The following MSH4 variants were observed in gnomAD, a reference collection of about 807,000 sequenced individuals.
MSH4 encodes the protein mutS homolog 4.
A neutral mutation model predicts 113.7 loss-of-function variants in MSH4; 106 were observed. The ratio of observed to expected loss-of-function variants is 0.93; its 90% CI spans 0.80 to 1.10. The LOEUF (loss-of-function observed/expected upper bound fraction) is 1.10, where lower values mean the gene tolerates loss of function less well. Ranked by LOEUF, MSH4 falls within the 50% of genes least tolerant of loss-of-function variation. The pLI is 0.00. For missense variants in MSH4, 1,061 were observed against 1,093.7 expected (o/e 0.97, Z 0.42); for synonymous variants, 368 against 380.2 (o/e 0.97, Z 0.37).
rs1256179917 is a variant in MSH4 at position 75,885,947 on chromosome 1, T to C, written c.2107+2126T>C. On this transcript the variant is annotated intron_variant, in intron 15 of 19. Transcript: ENST00000263187. ...ATGATGTATTATATAACATATATAA[T>C]ATATATGATGTATTATATAGCATGT... Among the ~76,000 whole-genome samples the C allele has an allele frequency of 1.3e-4, 16 of 119,414 alleles. 2 individuals are homozygous for C. The highest frequency in any genetic ancestry group is 5.1e-4 in the African/African-American group (16 of 31,160). The allele number at this position is 119,414 out of a possible 152,430, so 78.3% of individuals were successfully genotyped here.
rs772902056 is a variant in MSH4, at chr1:75,810,790, A to G, written c.682A>G (p.Ile228Val). ...VGNSTKLFTL[I>V]TENFKNVNFT... ...GAATTCCACCAAGTTGTTCACTCTG[A>G]TCACAGAAAATTTCAAGGTAAGTGA... The change falls in exon 4 of 20, where the codon ATC (isoleucine) becomes GTC (valine). Residue 228 changes from isoleucine (I) to valine (V), a missense_variant. Physicochemically the swap from Ile to Val is conservative, Grantham distance 29 (BLOSUM62 3). Coordinates refer to ENST00000263187, the MANE Select transcript of MSH4 (RefSeq NM_002440.4). 3 of 1,563,858 alleles carry G rather than the reference A, an allele frequency of 1.9e-6. No homozygotes were observed. The highest frequency in any genetic ancestry group is 3.7e-5 in the Admixed American group (2 of 54,510).
At chr1:75,881,141 G>C (rs1192592269) in intron 13 of MSH4, 105 bp from the exon 14 acceptor site, 4 of 851,912 alleles carry the variant, frequency 4.7e-6, no homozygotes, top group Non-Finnish European at 7.2e-6. Context: ...ACTCAGATGT[G>C]AATATTATTT....
chr1:75,839,423 C>T (rs1650903806), intron 7 of MSH4, among the ~76,000 whole-genome samples: 1 of 152,066 alleles, frequency 6.6e-6, no homozygotes, highest in Non-Finnish European at 1.5e-5. Flanking sequence ...CCATGTTGGC[C>T]AGGCTGGTCT....
At chr1:75,801,604 T>C (rs1030880054) in intron 1 of MSH4, among the ~76,000 whole-genome samples, 1 of 148,190 alleles carries the variant, frequency 6.7e-6, no homozygotes, top group Non-Finnish European at 1.5e-5. Flanking sequence ...TGAGGCATGG[T>C]GGCTTATGCT....
At chr1:75,841,396 C>T (rs1241812478) in intron 7 of MSH4, among the ~76,000 whole-genome samples, 1 of 152,088 alleles carries the variant, frequency 6.6e-6, no homozygotes, top group African/African-American at 2.4e-5. Context: ...CAGGGTCTTG[C>T]TCTGTTGCCC....
chr1:75,807,239 A>G (rs995233029), intron 3 of MSH4, 98 bp downstream of exon 3: 2 of 924,124 alleles, frequency 2.2e-6, no homozygotes, highest in Non-Finnish European at 3.1e-6. Flanking sequence ...TGGTAGAATA[A>G]AGGTTATTCA....
chr1:75,866,423 CA>C (rs1402792844), intron 8 of MSH4, among the ~76,000 whole-genome samples: 1 of 152,144 alleles, frequency 6.6e-6, no homozygotes, highest in Non-Finnish European at 1.5e-5. Flanking sequence ...CTCAGACTCC[CA>C]AAATGCTGGG....
chr1:75,828,934 A>G (rs1018487081), intron 7 of MSH4, among the ~76,000 whole-genome samples: 1 of 152,182 alleles, frequency 6.6e-6, no homozygotes. Flanking sequence ...TGCTGGGTTC[A>G]TCTCACTGGG....
At chr1:75,891,367 T>C (rs945417086) in intron 17 of MSH4, among the ~76,000 whole-genome samples, 3 of 152,152 alleles carry the variant, frequency 2.0e-5, no homozygotes, top group Admixed American at 2.0e-4. Flanking sequence ...ATAAAAATAC[T>C]TTTTCTTATT....
chr1:75,836,696 T>C (rs1299076504), intron 7 of MSH4, among the ~76,000 whole-genome samples: 1 of 152,240 alleles, frequency 6.6e-6, no homozygotes, highest in Non-Finnish European at 1.5e-5. Context: ...TCTGTCATTA[T>C]TGAATTACTG....
rs1159695398 is a variant in MSH4, at chr1:75,840,220, G to A, written c.1163-7989G>A. On this transcript the variant is annotated intron_variant, in intron 7 of 19. Coordinates refer to ENST00000263187, the MANE Select transcript of MSH4 (RefSeq NM_002440.4). ...TGCTGCTATAAAGACACATGCACAC[G>A]TATGTTTATTGCGGCACTATTCACA... Among the ~76,000 whole-genome samples, 16 of 134,172 alleles carry A rather than the reference G, an allele frequency of 1.2e-4. 1 individual carries two copies. Among genetic ancestry groups the A allele is most frequent in the African/African-American group, 3.4e-4 (13 of 38,740 alleles). The allele number at this position is 134,172 out of a possible 152,430, so 88.0% of individuals were successfully genotyped here.
At chr1:75,799,829 T>C (rs1054101120) in intron 1 of MSH4, among the ~76,000 whole-genome samples, 3 of 152,184 alleles carry the variant, frequency 2.0e-5, no homozygotes, top group East Asian at 1.9e-4. Flanking sequence ...CTGGGAATTT[T>C]GTAGGCAAAG....
At chr1:75,828,208 AG>A (rs1469168578) in intron 7 of MSH4, among the ~76,000 whole-genome samples, 3 of 152,206 alleles carry the variant, frequency 2.0e-5, no homozygotes, top group Non-Finnish European at 4.4e-5. Context: ...CATTGTTCTT[AG>A]GATTGTAAAT....
chr1:75,822,536 C>T lies in MSH4; in HGVS notation c.1117C>T (p.Gln373Ter), dbSNP rs1650444592. The T allele has an allele frequency of 6.4e-7, 1 of 1,562,722 alleles. No individual in the cohort carries two copies. Among genetic ancestry groups the T allele is most frequent in the Non-Finnish European group, 8.6e-7 (1 of 1,160,414 alleles). ...ETINMRLDCV[Q>*]ELLQDEELFF... ...CATTAACATGAGATTAGATTGTGTT[C>T]AAGAACTACTTCAAGATGAGGAACT... The change falls in exon 7 of 20, where the codon CAA becomes TAA. Residue 373 changes from glutamine to a stop codon, truncating the protein, a stop_gained. Transcript: ENST00000263187. LOFTEE classifies it high-confidence loss of function.
intron 15 of MSH4, among the ~76,000 whole-genome samples, chr1:75,888,237 A>G (rs947309754): frequency 8.0e-5 from 12 of 150,016 alleles, no homozygotes; most frequent in African/African-American, 2.7e-4. Flanking sequence ...TTTTGCTGCT[A>G]TTATTTCACC....
At chr1:75,845,683 G>T (rs550210441) in intron 7 of MSH4, among the ~76,000 whole-genome samples, 19 of 152,270 alleles carry the variant, frequency 1.2e-4, no homozygotes, top group Admixed American at 9.8e-4. Flanking sequence ...GGAGTTACAT[G>T]CTTGTGCCCC....
chr1:75,807,158 C>T lies in MSH4; in HGVS notation c.588+17C>T. The T allele has an allele frequency of 6.7e-7, 1 of 1,503,728 alleles. No individual in the cohort carries two copies. Among genetic ancestry groups the T allele is most frequent in the East Asian group, 2.5e-5 (1 of 39,230 alleles). 93.1% of individuals were successfully genotyped at this position (1,503,728 alleles called of 1,614,324 possible). Reference sequence around the variant, plus strand: ...TATGCAAAGGTAAGTATTAATAATTCTAGAAAATGGTTGCTCTGTTAGGCA... The same window carrying T: ...TATGCAAAGGTAAGTATTAATAATTTTAGAAAATGGTTGCTCTGTTAGGCA... On this transcript the variant is annotated intron_variant, in intron 3 of 19. Coordinates refer to ENST00000263187, the MANE Select transcript of MSH4 (RefSeq NM_002440.4).
At chr1:75,808,566 T>C (rs566223719) in intron 3 of MSH4, among the ~76,000 whole-genome samples, 102 of 152,202 alleles carry the variant, frequency 6.7e-4, no homozygotes, top group Non-Finnish European at 1.2e-3. Context: ...TCTTTTGGTA[T>C]TGGGGTTCTG....
At chr1:75,820,407 C>T (rs1557495434) in intron 6 of MSH4, among the ~76,000 whole-genome samples, 1 of 152,300 alleles carries the variant, frequency 6.6e-6, no homozygotes, top group South Asian at 2.1e-4. Flanking sequence ...CCAGCTCCTC[C>T]TTGTATCTCT....
Sources: gnomAD v4.1 joint callset for allele counts (sites outside exome capture counted in the v4.1 genomes callset) on GRCh38, gnomAD v4.1.1 for gene constraint, MANE v1.5 for transcripts, NCBI Gene and HGNC (gene_info 2026-07-23, HGNC 2026-07-21) for gene names.